Variants in UTS2B observed in about 807,000 individuals in gnomAD.
UTS2B encodes urotensin 2B, also known as urotensin-2B.
Under a neutral mutation model 19.2 loss-of-function variants are expected in UTS2B, and 21 were observed. The observed-to-expected ratio is 1.09, with a 90% confidence interval of 0.78 to 1.58. UTS2B has a LOEUF of 1.58. Ranked by LOEUF, UTS2B falls within the 40% of genes most tolerant of loss-of-function variation. The pLI is 0.00. For synonymous variants in UTS2B, 57 were observed against 50.2 expected (o/e 1.14, Z -0.58); for missense variants, 138 against 130.3 (o/e 1.06, Z -0.29).
At chr3:191,272,589 G>T (rs1323467595) in intron 8 of UTS2B, among the ~76,000 whole-genome samples, 2 of 152,146 alleles carry the variant, frequency 1.3e-5, no homozygotes, top group Non-Finnish European at 2.9e-5. Flanking sequence ...GGCTGGGCAT[G>T]GTGGCTCATG....
rs1409667470 is a variant in UTS2B, at chr3:191,278,494, T to C, written c.104-324A>G. 2.6e-5 allele frequency among the ~76,000 whole-genome samples: 4 copies of C among 152,102 alleles called. No individual in the cohort carries two copies. The East Asian group carries it at 7.7e-4, about 29-fold the overall frequency. ...AATCTGTGTTTCTGGAATTTTCTAC[T>C]ATTTTATTTAAAATAAGTATAAACT... On this transcript the variant is annotated intron_variant, in intron 5 of 8. Coordinates refer to ENST00000340524, the MANE Select transcript of UTS2B (RefSeq NM_198152.5).
chr3:191,294,124 A>AAAAC (rs35925883), intron 4 of UTS2B, among the ~76,000 whole-genome samples: 56,830 of 150,664 alleles, frequency 0.38, 11,273 homozygotes, highest in East Asian at 0.64. Context: ...AACAAAAACA[A>AAAAC]AAACAAACAA....
At chr3:191,269,209 A>C (rs16866404) in intron 8 of UTS2B, among the ~76,000 whole-genome samples, 4,157 of 152,340 alleles carry the variant, frequency 0.027, 275 homozygotes, top group East Asian at 0.26. Flanking sequence ...ATTGTTGATC[A>C]GTGGTATTTA....
chr3:191,301,162 G>A (rs986715813), intron 4 of UTS2B, among the ~76,000 whole-genome samples: 1 of 152,108 alleles, frequency 6.6e-6, no homozygotes, highest in Admixed American at 6.6e-5. Flanking sequence ...TGTCTTTCCG[G>A]GTGGTGAAAC....
chr3:191,295,680 T>C (rs1272296986), intron 4 of UTS2B, among the ~76,000 whole-genome samples: 1 of 151,978 alleles, frequency 6.6e-6, no homozygotes, highest in Non-Finnish European at 1.5e-5. Flanking sequence ...CAAACTGAAC[T>C]ACTCATCTTT....
intron 2 of UTS2B, chr3:191,328,278 A>G (rs995412019): frequency 6.6e-6 from 1 of 152,190 alleles, no homozygotes; most frequent in Non-Finnish European, 1.5e-5. Context: ...AAAACTGAGG[A>G]TAAGTTGAGA....
At chr3:191,334,019 A>C (rs1006957763), upstream of UTS2B, among the ~76,000 whole-genome samples, 6 of 152,150 alleles carry the variant, frequency 3.9e-5, no homozygotes, top group African/African-American at 1.4e-4. Context: ...AAATTTTCTA[A>C]ATGCTATTTT....
chr3:191,295,426 C>T (rs957684587), intron 4 of UTS2B, among the ~76,000 whole-genome samples: 30 of 151,934 alleles, frequency 2.0e-4, no homozygotes, highest in African/African-American at 3.6e-4. Flanking sequence ...TATACTTTTT[C>T]GGCTTCTTTT....
chr3:191,307,661 C>T (rs746340428), intron 3 of UTS2B, among the ~76,000 whole-genome samples: 15 of 152,204 alleles, frequency 9.9e-5, no homozygotes, highest in Non-Finnish European at 1.9e-4. Flanking sequence ...TGTTAACTTT[C>T]CTGCACTTTC....
At chr3:191,329,388 C>A (rs1486627283) in intron 1 of UTS2B, 2 of 398,406 alleles carry the variant, frequency 5.0e-6, no homozygotes, top group Admixed American at 4.8e-5. Flanking sequence ...TGGACGGCCC[C>A]GGTCCATTTC....
At chr3:191,328,784 C>G (rs1329663494) in intron 1 of UTS2B, 75 bp from the exon 2 acceptor site, 1 of 152,314 alleles carries the variant, frequency 6.6e-6, no homozygotes, top group East Asian at 1.9e-4. Context: ...AGTCTGACGC[C>G]TCGTTATCAC....
upstream of UTS2B, among the ~76,000 whole-genome samples, chr3:191,332,143 T>C (rs1477892135): frequency 6.6e-6 from 1 of 152,202 alleles, no homozygotes; most frequent in African/African-American, 2.4e-5. Flanking sequence ...TGACCTTTTG[T>C]CGTGAACATT....
chr3:191,278,848 A>G (rs1716308642), intron 5 of UTS2B, among the ~76,000 whole-genome samples: 1 of 152,064 alleles, frequency 6.6e-6, no homozygotes, highest in African/African-American at 2.4e-5. Context: ...TCCATTGACA[A>G]TTCAATTGAA....
intron 3 of UTS2B, among the ~76,000 whole-genome samples, chr3:191,307,456 G>C (rs1351418029): frequency 6.6e-6 from 1 of 152,204 alleles, no homozygotes; most frequent in Admixed American, 6.5e-5. Context: ...GTGGAGCATG[G>C]ACAAAGGAAA....
intron 3 of UTS2B, among the ~76,000 whole-genome samples, chr3:191,310,210 C>G (rs2108602114): frequency 6.6e-6 from 1 of 152,250 alleles, no homozygotes; most frequent in South Asian, 2.1e-4. Context: ...ATGTGATCCC[C>G]CCGCCTCAGC....
chr3:191,321,647 A>G (rs1296596279), intron 2 of UTS2B, among the ~76,000 whole-genome samples: 1 of 152,216 alleles, frequency 6.6e-6, no homozygotes, highest in African/African-American at 2.4e-5. Flanking sequence ...ATGTTTTCAA[A>G]ACTGTCTTTA....
upstream of UTS2B, among the ~76,000 whole-genome samples, chr3:191,333,844 A>T (rs976651410): frequency 6.6e-6 from 1 of 152,176 alleles, no homozygotes; most frequent in Non-Finnish European, 1.5e-5. Flanking sequence ...TTATACCAGC[A>T]TTAAATTTAT....
chr3:191,312,096 G>A (rs542984874), intron 3 of UTS2B, among the ~76,000 whole-genome samples: 14 of 151,238 alleles, frequency 9.3e-5, no homozygotes, highest in East Asian at 3.9e-4. Context: ...AGGTTGCAGC[G>A]AGCCGAGGTT....
intron 2 of UTS2B, among the ~76,000 whole-genome samples, chr3:191,320,257 A>T (rs1717579168): frequency 6.6e-6 from 1 of 152,222 alleles, no homozygotes; most frequent in Admixed American, 6.5e-5. Flanking sequence ...AAATTGGAGG[A>T]GTAAATCACA....
Sources: gnomAD v4.1 joint callset for allele counts (sites outside exome capture counted in the v4.1 genomes callset) on GRCh38, gnomAD v4.1.1 for gene constraint, MANE v1.5 for transcripts, NCBI Gene and HGNC (gene_info 2026-07-23, HGNC 2026-07-21) for gene names.